MAN1C1: variants seen among roughly 807,000 people sequenced by gnomAD.
MAN1C1 encodes the protein mannosidase alpha class 1C member 1.
A neutral mutation model predicts 71.5 loss-of-function variants in MAN1C1; 49 were observed. That is an observed-to-expected ratio of 0.69 (90% CI 0.54 to 0.87). The LOEUF (loss-of-function observed/expected upper bound fraction) is 0.87, where lower values mean the gene tolerates loss of function less well. MAN1C1 is among the 40% of genes least tolerant of loss of function. The pLI, the probability that MAN1C1 is intolerant of heterozygous loss-of-function variation, is 0.00. For missense variants in MAN1C1, 743 were observed against 835.0 expected, an observed-to-expected ratio of 0.89 and a Z score of 1.36; for synonymous variants, 352 against 343.7, an observed-to-expected ratio of 1.02 and a Z score of -0.27.
chr1:25,746,832 C>G lies in MAN1C1; in HGVS notation c.753+49C>G, dbSNP rs1421206561. 8.1e-7 allele frequency: 1 copy of G among 1,236,578 alleles called. No homozygotes were observed. Among genetic ancestry groups the G allele is most frequent in the Non-Finnish European group, 1.2e-6 (1 of 862,582 alleles). 76.6% of individuals were successfully genotyped at this position (1,236,578 alleles called of 1,614,324 possible). A position where few individuals can be genotyped will look rare whatever the true frequency, so the allele number is the denominator to read the frequency against. ...GGAGGGGGGCGGGGGCCAGAAGAGG[C>G]CCAACAGCCAGCTTCACCCTGTCAT... is the stretch of plus-strand genomic sequence containing the variant. On this transcript the variant is annotated intron_variant, in intron 3 of 11. Transcript: ENST00000374332. This position sits in a 1 kb window ranked among gnomAD's most constrained non-coding sequence, Gnocchi z 4.0.
intron 2 of MAN1C1, among the ~76,000 whole-genome samples, chr1:25,718,105 C>T (rs1026537286): frequency 1.3e-5 from 2 of 152,118 alleles, no homozygotes; most frequent in African/African-American, 4.8e-5. Context: ...TGGCTGTGTA[C>T]ACACTCTTCA....
intron 7 of MAN1C1, among the ~76,000 whole-genome samples, chr1:25,766,479 C>T (rs887567573): frequency 4.6e-5 from 7 of 152,196 alleles, no homozygotes; most frequent in African/African-American, 1.7e-4. Flanking sequence ...CAGGCAGGTT[C>T]TGCGTAGCCC....
intron 1 of MAN1C1, among the ~76,000 whole-genome samples, chr1:25,643,336 C>T (rs183870431): frequency 6.6e-6 from 1 of 151,456 alleles, no homozygotes; most frequent in African/African-American, 2.4e-5. Flanking sequence ...CTCACTGCAA[C>T]CTCTGCCTCC....
rs376051073 is a variant in MAN1C1 at position 25,763,841 on chromosome 1, A to G, written c.1048-33A>G. On this transcript the variant is annotated intron_variant, in intron 6 of 11. Transcript: ENST00000374332. ...GGGTGCAGTCGGCTTCTTCGGAAGC[A>G]TGAAGGCTCACCTGGTGTCCGTCTC... The G allele has an allele frequency of 3.8e-6, 6 of 1,589,056 alleles. No individual in the cohort carries two copies. The African/African-American group carries it at 8.1e-5, about 21-fold the overall frequency.
intron 2 of MAN1C1, among the ~76,000 whole-genome samples, 169 bp downstream of exon 2, chr1:25,686,705 G>A (rs1426302916): frequency 6.6e-6 from 1 of 152,188 alleles, no homozygotes; most frequent in Non-Finnish European, 1.5e-5. Context: ...AGGCTTCTGA[G>A]TCCTCCTAGA....
Position 25,618,049 on chromosome 1 carries a change from G to A in MAN1C1, c.252G>A (p.Pro84=). The A allele has an allele frequency of 6.4e-7, 1 of 1,566,012 alleles. No homozygotes were observed. Among genetic ancestry groups the A allele is most frequent in the Non-Finnish European group, 8.6e-7 (1 of 1,160,562 alleles). Residue 84 remains proline, a synonymous_variant, in exon 1 of 12, where the codon CCG becomes CCA. Coordinates refer to ENST00000374332, the MANE Select transcript of MAN1C1 (RefSeq NM_020379.4). ...PAREQEPPPN[P]APAAPAPGED... ...GCGAGCAGGAGCCGCCTCCCAACCC[G>A]GCCCCCGCCGCGCCGGCCCCGGGCG...
At chr1:25,774,349 A>G (rs2124406330) in intron 8 of MAN1C1, among the ~76,000 whole-genome samples, 1 of 152,296 alleles carries the variant, frequency 6.6e-6, no homozygotes, top group Non-Finnish European at 1.5e-5. Flanking sequence ...ACCTCATCTT[A>G]TTTAGCCCCC....
rs1234837995 is a variant in MAN1C1 at position 25,618,062 on chromosome 1, C to T, written c.265C>T (p.Pro89Ser). ...EPPPNPAPAA[P>S]APGEDDPSSW... ...GCCTCCCAACCCGGCCCCCGCCGCG[C>T]CGGCCCCGGGCGAGGATGACCCCAG... The change falls in exon 1 of 12, where the codon CCG (proline) becomes TCG (serine). Residue 89 changes from proline to serine, a missense_variant. Physicochemically the swap from Pro to Ser is moderately conservative, Grantham distance 74. Transcript: ENST00000374332. The T allele has an allele frequency of 2.6e-6, 4 of 1,552,036 alleles. No homozygotes were observed. Among genetic ancestry groups the T allele is most frequent in the East Asian group, 2.5e-5 (1 of 40,666 alleles).
At chr1:25,668,403 A>G (rs1177749223) in intron 1 of MAN1C1, among the ~76,000 whole-genome samples, 3 of 152,052 alleles carry the variant, frequency 2.0e-5, no homozygotes, top group East Asian at 3.9e-4. Context: ...GTTTACTCCC[A>G]TATGTACTAG....
intron 1 of MAN1C1, among the ~76,000 whole-genome samples, chr1:25,644,264 G>A (rs1448007557): frequency 6.6e-6 from 1 of 152,006 alleles, no homozygotes; most frequent in Non-Finnish European, 1.5e-5. Context: ...CGTGTACTGA[G>A]TCGTGGGAGG....
chr1:25,656,702 G>A (rs2045772681), intron 1 of MAN1C1, among the ~76,000 whole-genome samples: 1 of 152,148 alleles, frequency 6.6e-6, no homozygotes, highest in African/African-American at 2.4e-5. Context: ...AAAATTAAAG[G>A]AGAAGACACA....
intron 2 of MAN1C1, among the ~76,000 whole-genome samples, chr1:25,689,922 G>A (rs1013064680): frequency 6.6e-6 from 1 of 152,184 alleles, no homozygotes; most frequent in Admixed American, 6.5e-5. Flanking sequence ...GGCTGTGTGC[G>A]GGGAAGGGTA....
chr1:25,674,764 G>C (rs1369496109), intron 1 of MAN1C1, among the ~76,000 whole-genome samples: 1 of 236 alleles, frequency 4.2e-3, no homozygotes, highest in Non-Finnish European at 6.3e-3. Flanking sequence ...GCGTGAGTGG[G>C]TGACTTCCTG....
At chr1:25,766,310 G>C (rs896347476) in intron 7 of MAN1C1, among the ~76,000 whole-genome samples, 2 of 151,882 alleles carry the variant, frequency 1.3e-5, no homozygotes, top group Non-Finnish European at 1.5e-5. Context: ...TGGCCTTGGT[G>C]CCCGGGGTCA....
At chr1:25,644,948 A>G (rs1317546591) in intron 1 of MAN1C1, 2 of 152,186 alleles carry the variant, frequency 1.3e-5, no homozygotes, top group African/African-American at 4.8e-5. Context: ...CCAGTGTTTT[A>G]AAGAACAACC....
intron 1 of MAN1C1, among the ~76,000 whole-genome samples, chr1:25,677,488 G>A (rs1336626263): frequency 6.6e-6 from 1 of 152,060 alleles, no homozygotes; most frequent in Non-Finnish European, 1.5e-5. Context: ...GGGGACAGGG[G>A]TACAGTTTCT....
At chr1:25,659,964 G>T (rs2045822864) in intron 1 of MAN1C1, among the ~76,000 whole-genome samples, 1 of 152,136 alleles carries the variant, frequency 6.6e-6, no homozygotes, top group Non-Finnish European at 1.5e-5. Flanking sequence ...CATCATGTTG[G>T]TAGCTCTAAA....
rs972900600 is a variant in MAN1C1, at chr1:25,631,833, C to T, written c.540+13496C>T. Among the ~76,000 whole-genome samples, 11 of 152,240 alleles carry T rather than the reference C, an allele frequency of 7.2e-5. No individual in the cohort carries two copies. The highest frequency in any genetic ancestry group is 2.0e-4 in the Admixed American group (3 of 15,274). On this transcript the variant is annotated intron_variant, in intron 1 of 11. Transcript: ENST00000374332. This position sits in a 1 kb window ranked among gnomAD's most constrained non-coding sequence, Gnocchi z 4.2. Reference sequence around the variant, plus strand: ...TTTCAGTAGCTGGAGTGTAGTGGCGCGATCTCAGCTCACTGCAACCTCTGC... The same window carrying T: ...TTTCAGTAGCTGGAGTGTAGTGGCGTGATCTCAGCTCACTGCAACCTCTGC...
chr1:25,768,624 T>C (rs1413954203), intron 7 of MAN1C1, among the ~76,000 whole-genome samples: 1 of 69,192 alleles, frequency 1.4e-5, no homozygotes, highest in South Asian at 6.5e-4. Flanking sequence ...CACACTCCCC[T>C]CACACACACA....
Sources: gnomAD v4.1 joint callset for allele counts (sites outside exome capture counted in the v4.1 genomes callset) on GRCh38, gnomAD v4.1.1 for gene constraint, Gnocchi (gnomAD v3.1) non-coding constraint, MANE v1.5 for transcripts, NCBI Gene and HGNC (gene_info 2026-07-23, HGNC 2026-07-21) for gene names.